Variants in L3MBTL4 observed in about 807,000 individuals in gnomAD.
L3MBTL4 encodes the protein lethal(3)malignant brain tumor-like protein 4.
In L3MBTL4, 70 loss-of-function variants were observed where a neutral mutation model predicts 84.5. The ratio of observed to expected loss-of-function variants is 0.83; its 90% CI spans 0.68 to 1.01. The LOEUF (loss-of-function observed/expected upper bound fraction) is 1.01. L3MBTL4 is among the 50% of genes least tolerant of loss of function. L3MBTL4 has a pLI of 0.00. For synonymous variants in L3MBTL4, 274 were observed against 259.8 expected, an observed-to-expected ratio of 1.05 and a Z score of -0.52; for missense variants, 715 against 754.8, an observed-to-expected ratio of 0.95 and a Z score of 0.62.
At chr18:6,218,575 C>T (rs2046420849) in intron 10 of L3MBTL4, among the ~76,000 whole-genome samples, 2 of 152,156 alleles carry the variant, frequency 1.3e-5, no homozygotes, top group Non-Finnish European at 2.9e-5. Context: ...ATCCTTCTTC[C>T]CCTTTTTGTG....
intron 16 of L3MBTL4, among the ~76,000 whole-genome samples, chr18:6,053,495 C>T (rs2056906768): frequency 6.6e-6 from 1 of 152,132 alleles, no homozygotes; most frequent in Admixed American, 6.5e-5. Context: ...CTGCCAACAC[C>T]ACAACCTTCA....
intron 1 of L3MBTL4, among the ~76,000 whole-genome samples, chr18:6,319,561 C>A (rs8095882): frequency 0.055 from 8,397 of 151,950 alleles, 787 homozygotes; most frequent in African/African-American, 0.19. Context: ...GAAACATACA[C>A]CCCTCCTAGA....
chr18:5,975,449 C>T (rs1198760674), intron 16 of L3MBTL4, among the ~76,000 whole-genome samples: 1 of 152,204 alleles, frequency 6.6e-6, no homozygotes. Flanking sequence ...TTATCTGGCA[C>T]TGACTGAGAA....
chr18:6,003,931 T>C (rs544326902), intron 16 of L3MBTL4, among the ~76,000 whole-genome samples: 2 of 151,796 alleles, frequency 1.3e-5, no homozygotes, highest in South Asian at 4.2e-4. Context: ...AGAAGAAAGA[T>C]TTTAAGCCAA....
At chr18:6,092,791 T>C (rs2058503415) in intron 15 of L3MBTL4, among the ~76,000 whole-genome samples, 1 of 152,196 alleles carries the variant, frequency 6.6e-6, no homozygotes, top group Non-Finnish European at 1.5e-5. Flanking sequence ...TAGAATATAG[T>C]TATATATAAA....
rs545250636 is a variant in L3MBTL4, at chr18:6,360,828, A to G, written c.-90-48772T>C. Among the ~76,000 whole-genome samples, 15 of 151,478 alleles carry G rather than the reference A, an allele frequency of 9.9e-5. No individual in the cohort carries two copies. The East Asian group carries it at 2.5e-3, about 25-fold the overall frequency. On this transcript the variant is annotated intron_variant, in intron 1 of 18. Transcript: ENST00000317931. ...AACATACCAAGACCTCATCTCTACA[A>G]AAAAGAAATTTAAATTTAAATTTAA...
chr18:6,406,506 GTCA>G (rs1299808560), intron 1 of L3MBTL4, among the ~76,000 whole-genome samples: 1 of 152,190 alleles, frequency 6.6e-6, no homozygotes, highest in Non-Finnish European at 1.5e-5. Flanking sequence ...CCTCTGATGT[GTCA>G]TCTGCAAAAC....
At chr18:6,105,800 CAAA>C (rs530044057) in intron 14 of L3MBTL4, among the ~76,000 whole-genome samples, 6 of 96,124 alleles carry the variant, frequency 6.2e-5, no homozygotes, top group Non-Finnish European at 1.2e-4. Flanking sequence ...AACTCTGTCT[CAAA>C]AAAAAAAAAA....
chr18:6,245,780 G>A lies in L3MBTL4; in HGVS notation c.220-1192C>T, dbSNP rs1032836715. Among the ~76,000 whole-genome samples the A allele has an allele frequency of 5.3e-5, 8 of 151,942 alleles. No individual in the cohort carries two copies. In the South Asian group the frequency reaches 1.0e-3, roughly 20 times the overall value. On this transcript the variant is annotated intron_variant, in intron 5 of 18. Transcript: ENST00000317931. The stretch of plus-strand genomic sequence containing the variant: ...TAATTTTTGTATTTTTAGTAGTGAC[G>A]GGGTTTCACCATGTAGGCCAGGCTG...
chr18:5,981,974 C>G (rs1174119358), intron 16 of L3MBTL4, among the ~76,000 whole-genome samples: 1 of 137,328 alleles, frequency 7.3e-6, no homozygotes, highest in African/African-American at 2.8e-5. Flanking sequence ...TTTCAATATT[C>G]TGTGTGTGTG....
chr18:6,074,055 GT>G (rs140530119), intron 16 of L3MBTL4, among the ~76,000 whole-genome samples: 4,070 of 151,922 alleles, frequency 0.027, 171 homozygotes, highest in African/African-American at 0.094. Flanking sequence ...AATGTGAAGT[GT>G]TTTTTTGTTT....
chr18:6,354,880 CA>C (rs926356534), intron 1 of L3MBTL4, among the ~76,000 whole-genome samples: 2 of 151,764 alleles, frequency 1.3e-5, no homozygotes, highest in Admixed American at 6.6e-5. Context: ...GGAGGTCCCA[CA>C]AAAAAAATTA....
intron 16 of L3MBTL4, among the ~76,000 whole-genome samples, chr18:6,002,897 T>C (rs1029339519): frequency 4.0e-5 from 6 of 151,526 alleles, no homozygotes; most frequent in African/African-American, 1.2e-4. Context: ...AAAACAAAGA[T>C]TGGCAGAGTG....
intron 10 of L3MBTL4, 140 bp downstream of exon 10, chr18:6,237,824 G>A (rs1173033518): frequency 2.9e-6 from 2 of 684,286 alleles, no homozygotes; most frequent in Admixed American, 4.7e-5. Context: ...CAGACACTTG[G>A]TGGTCAACAG....
At chr18:6,098,879 G>C (rs1429423929) in intron 14 of L3MBTL4, among the ~76,000 whole-genome samples, 1 of 152,110 alleles carries the variant, frequency 6.6e-6, no homozygotes, top group Non-Finnish European at 1.5e-5. Flanking sequence ...ATCTCCATGT[G>C]GAAGCCTTTA....
intron 1 of L3MBTL4, among the ~76,000 whole-genome samples, chr18:6,335,962 T>C (rs898829289): frequency 6.6e-6 from 1 of 152,214 alleles, no homozygotes; most frequent in African/African-American, 2.4e-5. Context: ...ATGTAGTCAC[T>C]CCTTAATTCC....
At chr18:6,024,991 C>T (rs2055437372) in intron 16 of L3MBTL4, 1 of 152,164 alleles carries the variant, frequency 6.6e-6, no homozygotes. Flanking sequence ...CCCTCCCTTC[C>T]AAGAGGCTTT....
intron 1 of L3MBTL4, among the ~76,000 whole-genome samples, chr18:6,347,597 AT>A (rs1376786111): frequency 6.6e-6 from 1 of 151,834 alleles, no homozygotes; most frequent in Non-Finnish European, 1.5e-5. Flanking sequence ...ACCAACTGAC[AT>A]AAATTAACAC....
intron 16 of L3MBTL4, among the ~76,000 whole-genome samples, chr18:6,027,414 A>G (rs1242618791): frequency 1.3e-5 from 2 of 152,048 alleles, no homozygotes; most frequent in African/African-American, 4.8e-5. Context: ...TATGTGCCAC[A>G]TTTTCTTTGT....
Sources: gnomAD v4.1 joint callset for allele counts (sites outside exome capture counted in the v4.1 genomes callset) on GRCh38, gnomAD v4.1.1 for gene constraint, MANE v1.5 for transcripts, NCBI Gene and HGNC (gene_info 2026-07-23, HGNC 2026-07-21) for gene names.